LPP: variants seen among roughly 807,000 people sequenced by gnomAD.
LPP encodes the protein lipoma-preferred partner.
In LPP, 38 loss-of-function variants were observed where a neutral mutation model predicts 60.4. That is an observed-to-expected ratio of 0.63 (90% confidence interval 0.49 to 0.83). The LOEUF (loss-of-function observed/expected upper bound fraction) is 0.83, where lower values mean the gene tolerates loss of function less well. LPP is among the 40% of genes least tolerant of loss of function. LPP has a pLI of 0.00. For missense variants in LPP, 902 were observed against 783.6 expected (o/e 1.15, Z -1.80); for synonymous variants, 328 against 290.8 (o/e 1.13, Z -1.30).
intron 6 of LPP, among the ~76,000 whole-genome samples, chr3:188,549,377 T>C (rs1401139426): frequency 6.9e-6 from 1 of 145,810 alleles, no homozygotes; most frequent in African/African-American, 2.5e-5. Context: ...ACTGTGGTGG[T>C]TCTACTTCTC....
chr3:188,695,611 C>T (rs181091856), intron 7 of LPP, among the ~76,000 whole-genome samples: 46 of 152,328 alleles, frequency 3.0e-4, no homozygotes, highest in African/African-American at 1.1e-3. Flanking sequence ...ACTTTCCCAA[C>T]TCCATTTACA....
chr3:188,492,296 G>T (rs902548111), intron 5 of LPP, among the ~76,000 whole-genome samples: 1 of 152,090 alleles, frequency 6.6e-6, no homozygotes. Context: ...ATCCCAATTT[G>T]TCTCTCCCAT....
intron 9 of LPP, among the ~76,000 whole-genome samples, chr3:188,812,547 T>C (rs948456466): frequency 4.6e-5 from 7 of 152,200 alleles, no homozygotes; most frequent in Non-Finnish European, 1.0e-4. Flanking sequence ...GTGTTTATCT[T>C]TCCCCTTCTC....
chr3:188,488,244 G>A (rs1235221009), intron 5 of LPP, among the ~76,000 whole-genome samples: 2 of 152,162 alleles, frequency 1.3e-5, no homozygotes, highest in Non-Finnish European at 2.9e-5. Flanking sequence ...TTTGGAAGGA[G>A]CAGGTGATGC....
intron 8 of LPP, among the ~76,000 whole-genome samples, chr3:188,737,267 G>A (rs1179901762): frequency 2.0e-5 from 3 of 152,212 alleles, no homozygotes. Flanking sequence ...GTGGTGAAGA[G>A]ATCCTTGGAC....
chr3:188,520,403 C>T (rs1174162143), intron 5 of LPP, among the ~76,000 whole-genome samples: 1 of 152,188 alleles, frequency 6.6e-6, no homozygotes, highest in Admixed American at 6.5e-5. Flanking sequence ...CTGTGCCGGG[C>T]CTTCTCTGCA....
At chr3:188,858,528 A>AG (rs1276285681) in intron 9 of LPP, among the ~76,000 whole-genome samples, 1 of 152,214 alleles carries the variant, frequency 6.6e-6, no homozygotes, top group Non-Finnish European at 1.5e-5. Flanking sequence ...TCACAATCCT[A>AG]ACCCTAGTGC....
chr3:188,476,982 C>T (rs1408738905), intron 4 of LPP, among the ~76,000 whole-genome samples: 2 of 152,156 alleles, frequency 1.3e-5, no homozygotes, highest in Admixed American at 6.5e-5. Context: ...GCTGTAGAAA[C>T]GGGAGCAAAA....
At chr3:188,269,645 A>ATACGTG (rs748506984) in intron 2 of LPP, among the ~76,000 whole-genome samples, 4 of 136,454 alleles carry the variant, frequency 2.9e-5, no homozygotes, top group African/African-American at 1.1e-4. Context: ...CTTTTTTTTT[A>ATACGTG]TGTGTGTGTG....
intron 1 of LPP, among the ~76,000 whole-genome samples, chr3:188,164,304 A>G (rs968184490): frequency 6.6e-6 from 1 of 152,156 alleles, no homozygotes; most frequent in Non-Finnish European, 1.5e-5. Flanking sequence ...CCCTGAATCT[A>G]TTATTTTCCA....
At chr3:188,674,653 A>C (rs1241959860) in intron 7 of LPP, among the ~76,000 whole-genome samples, 1 of 152,108 alleles carries the variant, frequency 6.6e-6, no homozygotes, top group Non-Finnish European at 1.5e-5. Flanking sequence ...TCTTCTTTAC[A>C]TTTTCTCATT....
At chr3:188,189,383 A>G (rs979005707) in intron 1 of LPP, among the ~76,000 whole-genome samples, 1 of 152,172 alleles carries the variant, frequency 6.6e-6, no homozygotes, top group Admixed American at 6.5e-5. Context: ...CCACCGCACT[A>G]GGCCCATAAG....
At chr3:188,579,684 G>A (rs1554119) in intron 6 of LPP, among the ~76,000 whole-genome samples, 38,580 of 150,428 alleles carry the variant, frequency 0.26, 6,346 homozygotes, top group Non-Finnish European at 0.37. Flanking sequence ...GTGAGGCTGG[G>A]CACCGTGGCT....
intron 2 of LPP, among the ~76,000 whole-genome samples, chr3:188,245,194 C>G (rs890070907): frequency 2.0e-5 from 3 of 152,050 alleles, no homozygotes; most frequent in Non-Finnish European, 4.4e-5. Flanking sequence ...CTCACTGCAA[C>G]CTCTGCCTCC....
intron 5 of LPP, among the ~76,000 whole-genome samples, chr3:188,492,552 T>G (rs1400970483): frequency 2.6e-5 from 4 of 151,948 alleles, no homozygotes; most frequent in Non-Finnish European, 5.9e-5. Flanking sequence ...AAAAATTTGC[T>G]CTGTGTGGTC....
intron 7 of LPP, among the ~76,000 whole-genome samples, chr3:188,618,725 G>A (rs1845295436): frequency 6.6e-6 from 1 of 152,202 alleles, no homozygotes; most frequent in Non-Finnish European, 1.5e-5. Flanking sequence ...AGCTGAAACT[G>A]TGCATACCCT....
chr3:188,762,767 ATT>A (rs35669305), intron 9 of LPP, among the ~76,000 whole-genome samples: 59 of 146,822 alleles, frequency 4.0e-4, no homozygotes, highest in Admixed American at 1.4e-4. Context: ...AATTCTAACC[ATT>A]TTTTTTTTTT....
intron 8 of LPP, among the ~76,000 whole-genome samples, chr3:188,735,782 G>A (rs1722295249): frequency 6.6e-6 from 1 of 152,156 alleles, no homozygotes; most frequent in African/African-American, 2.4e-5. Context: ...TAACACTGTG[G>A]TAATTGTTGT....
intron 5 of LPP, among the ~76,000 whole-genome samples, chr3:188,505,669 C>T (rs1407065643): frequency 6.6e-6 from 1 of 152,174 alleles, no homozygotes; most frequent in Non-Finnish European, 1.5e-5. Context: ...AAATCGTGTT[C>T]ATTGATGATA....
Sources: allele counts gnomAD v4.1 joint callset (sites outside exome capture counted in the v4.1 genomes callset), GRCh38; gene constraint gnomAD v4.1.1; transcripts MANE v1.5; gene names NCBI Gene and HGNC (gene_info 2026-07-23, HGNC 2026-07-21).